The following LRRC37A2 variants were observed in gnomAD, a reference collection of about 807,000 sequenced individuals.
LRRC37A2 encodes leucine rich repeat containing 37 member A2, also known as leucine-rich repeat-containing protein 37A2.
LRRC37A2 carries 9 observed loss-of-function variants against 68.8 expected under a neutral mutation model. The observed-to-expected ratio is 0.13, with a 90% confidence interval of 0.08 to 0.23. LRRC37A2 has a LOEUF of 0.23. Among genes scored for constraint, LRRC37A2 ranks in the 10% least tolerant of loss-of-function variants. The probability of loss-of-function intolerance (pLI) is 1.00; values close to 1 mark genes in which losing one functional copy is unlikely to be tolerated. For synonymous variants in LRRC37A2, 63 were observed against 367.6 expected, an observed-to-expected ratio of 0.17 and a Z score of 9.48; for missense variants, 168 against 950.4, an observed-to-expected ratio of 0.18 and a Z score of 10.82.
chr17:46,574,866 C>T, the LRRC37A2 span, among the ~76,000 whole-genome samples: 25 of 39,756 alleles, frequency 6.3e-4, no homozygotes, highest in Middle Eastern at 0.019. Flanking sequence ...AGCACTTAGC[C>T]GGGCAGATCA....
At chr17:46,908,688 C>T in the LRRC37A2 span, among the ~76,000 whole-genome samples, 2 of 152,190 alleles carry the variant, frequency 1.3e-5, no homozygotes, top group African/African-American at 4.8e-5. Flanking sequence ...CAGGGGAAGA[C>T]AGGCCACATC....
the LRRC37A2 span, among the ~76,000 whole-genome samples, chr17:46,490,856 A>G: frequency 6.6e-6 from 1 of 150,618 alleles, no homozygotes; most frequent in Non-Finnish European, 1.5e-5. Context: ...TTGGGTGGAC[A>G]TGTGTACATA....
chr17:46,788,850 G>A, the LRRC37A2 span, among the ~76,000 whole-genome samples: 9 of 152,260 alleles, frequency 5.9e-5, no homozygotes, highest in Admixed American at 2.0e-4. Context: ...CTGTCTCCAC[G>A]GCGAGCTGAG....
At chr17:46,812,234 C>A in the LRRC37A2 span, among the ~76,000 whole-genome samples, 1 of 152,166 alleles carries the variant, frequency 6.6e-6, no homozygotes, top group African/African-American at 2.4e-5. Context: ...AAAGAAGGAC[C>A]CTGCTTAGAG....
chr17:46,784,793 T>G, the LRRC37A2 span, among the ~76,000 whole-genome samples: 1 of 101,266 alleles, frequency 9.9e-6, no homozygotes, highest in Non-Finnish European at 2.0e-5. Flanking sequence ...TTTTTTTTTT[T>G]GAGATGGAGT....
chr17:46,846,192 G>A, the LRRC37A2 span, among the ~76,000 whole-genome samples: 3 of 152,142 alleles, frequency 2.0e-5, no homozygotes, highest in African/African-American at 7.2e-5. Context: ...AGTTTCAACC[G>A]TTTCAGTACA....
At chr17:46,856,323 T>C in the LRRC37A2 span, among the ~76,000 whole-genome samples, 1 of 152,302 alleles carries the variant, frequency 6.6e-6, no homozygotes, top group African/African-American at 2.4e-5. Flanking sequence ...GGCACATATG[T>C]GCTAAGTGCT....
the LRRC37A2 span, among the ~76,000 whole-genome samples, chr17:46,943,946 G>T: frequency 6.6e-6 from 1 of 152,098 alleles, no homozygotes; most frequent in Non-Finnish European, 1.5e-5. Context: ...GCTAGGACAG[G>T]CGTGACTAAT....
chr17:46,503,119 G>A, the LRRC37A2 span, among the ~76,000 whole-genome samples: 2 of 149,768 alleles, frequency 1.3e-5, no homozygotes, highest in African/African-American at 5.1e-5. Flanking sequence ...GGCTGAGGCA[G>A]GAGAATGGCG....
the LRRC37A2 span, among the ~76,000 whole-genome samples, chr17:46,871,531 G>A: frequency 6.6e-5 from 10 of 152,280 alleles, no homozygotes; most frequent in Non-Finnish European, 1.2e-4. Context: ...CAAAATGAGG[G>A]AAGTTTGGGA....
the LRRC37A2 span, among the ~76,000 whole-genome samples, chr17:46,990,559 G>A: frequency 6.6e-6 from 1 of 152,146 alleles, no homozygotes; most frequent in Non-Finnish European, 1.5e-5. Flanking sequence ...CAGTGTCCAG[G>A]GCATTCACCT....
the LRRC37A2 span, among the ~76,000 whole-genome samples, chr17:46,722,620 T>C: frequency 6.6e-6 from 1 of 152,140 alleles, no homozygotes; most frequent in Admixed American, 6.5e-5. Flanking sequence ...AGAATTCTGC[T>C]GGGGCCTGGG....
At chr17:46,866,638 C>T in the LRRC37A2 span, among the ~76,000 whole-genome samples, 3 of 152,016 alleles carry the variant, frequency 2.0e-5, no homozygotes, top group South Asian at 2.1e-4. Context: ...GCCAGCACCC[C>T]GGGCAGCACA....
At chr17:46,873,086 TCACACACACACACACA>T in the LRRC37A2 span, among the ~76,000 whole-genome samples, 75 of 139,908 alleles carry the variant, frequency 5.4e-4, 1 homozygote, top group Non-Finnish European at 6.3e-4. Context: ...CTCTGCCTCT[TCACACACACACACACA>T]CACACACACA....
the LRRC37A2 span, among the ~76,000 whole-genome samples, chr17:46,727,489 G>A: frequency 6.6e-6 from 1 of 152,164 alleles, no homozygotes; most frequent in Non-Finnish European, 1.5e-5. Context: ...TAATGGTGTA[G>A]TCGTGATTTC....
At chr17:46,977,003 C>G in the LRRC37A2 span, among the ~76,000 whole-genome samples, 110,537 of 152,026 alleles carry the variant, frequency 0.73, 41,079 homozygotes, top group Non-Finnish European at 0.8. Flanking sequence ...TGAATTCTCC[C>G]AGGTCTGAGA....
At chr17:46,761,919 G>C in the LRRC37A2 span, among the ~76,000 whole-genome samples, 1 of 152,186 alleles carries the variant, frequency 6.6e-6, no homozygotes, top group Non-Finnish European at 1.5e-5. Flanking sequence ...CCACTGGCAG[G>C]CCCTTTCTAC....
the LRRC37A2 span, among the ~76,000 whole-genome samples, chr17:46,742,901 T>C: frequency 1.3e-5 from 2 of 152,294 alleles, no homozygotes; most frequent in East Asian, 1.9e-4. Flanking sequence ...TAAGAAAATA[T>C]GAAAAATTAT....
chr17:46,921,398 A>T, the LRRC37A2 span: 4 of 152,346 alleles, frequency 2.6e-5, no homozygotes, highest in East Asian at 7.7e-4. Flanking sequence ...AACCTAGGCA[A>T]TACCATTCAG....
Sources: gnomAD v4.1 joint callset for allele counts (sites outside exome capture counted in the v4.1 genomes callset) on GRCh38, gnomAD v4.1.1 for gene constraint, MANE v1.5 for transcripts, NCBI Gene and HGNC (gene_info 2026-07-23, HGNC 2026-07-21) for gene names.